The following TAF4B variants were observed in gnomAD, a reference collection of about 807,000 sequenced individuals.
TAF4B encodes the protein transcription initiation factor TFIID subunit 4B.
In TAF4B, 38 loss-of-function variants were observed where a neutral mutation model predicts 86.4. The observed-to-expected ratio is 0.44, with a 90% CI of 0.34 to 0.58. The LOEUF (loss-of-function observed/expected upper bound fraction) is 0.58. Ranked by LOEUF, TAF4B falls within the 20% of genes least tolerant of loss-of-function variation. The probability of loss-of-function intolerance (pLI) is 0.02; values close to 1 mark genes in which losing one functional copy is unlikely to be tolerated. For missense variants in TAF4B, 988 were observed against 1,027.6 expected (o/e 0.96, Z 0.53); for synonymous variants, 388 against 391.2 (o/e 0.99, Z 0.10).
chr18:26,287,518 G>T (rs2056539973), intron 7 of TAF4B, among the ~76,000 whole-genome samples: 2 of 152,150 alleles, frequency 1.3e-5, no homozygotes, highest in South Asian at 4.1e-4. Flanking sequence ...TTTAAGAAAA[G>T]GTAAGTTTTA....
At chr18:26,240,848 G>A (rs1408583294) in intron 1 of TAF4B, among the ~76,000 whole-genome samples, 2 of 152,086 alleles carry the variant, frequency 1.3e-5, no homozygotes, top group Non-Finnish European at 2.9e-5. Flanking sequence ...ATAATCATGT[G>A]GTTTTTGTCT....
chr18:26,295,633 G>A (rs2056653824), intron 9 of TAF4B, among the ~76,000 whole-genome samples: 1 of 152,208 alleles, frequency 6.6e-6, no homozygotes, highest in African/African-American at 2.4e-5. Flanking sequence ...ACTGCTACCG[G>A]TACATGGCCT....
At chr18:26,303,587 CCCTTCCACTTTCATCCT>C in intron 9 of TAF4B, among the ~76,000 whole-genome samples, 1 of 98,428 alleles carries the variant, frequency 1.0e-5, no homozygotes, top group African/African-American at 4.4e-5. Context: ...ACTTTCATAC[CCCTTCCACTTTCATCCT>C]CCCTCCACTT....
At chr18:26,318,887 G>A (rs904208178) in intron 10 of TAF4B, among the ~76,000 whole-genome samples, 4 of 152,184 alleles carry the variant, frequency 2.6e-5, no homozygotes, top group Non-Finnish European at 4.4e-5. Flanking sequence ...GAATACATAT[G>A]AAATTATTTT....
intron 12 of TAF4B, 70 bp from the exon 13 acceptor site, chr18:26,335,104 TA>T (rs545756650): frequency 2.7e-6 from 3 of 1,102,274 alleles, no homozygotes; most frequent in South Asian, 1.4e-5. Flanking sequence ...TGTCATTTAT[TA>T]AATATTTAAT....
chr18:26,266,411 A>G (rs553637753), intron 2 of TAF4B, among the ~76,000 whole-genome samples: 3 of 152,174 alleles, frequency 2.0e-5, no homozygotes, highest in East Asian at 1.9e-4. Context: ...TACCCAGCCT[A>G]TAGTATTCAT....
At chr18:26,331,870 T>C (rs936779321) in intron 12 of TAF4B, among the ~76,000 whole-genome samples, 1 of 152,228 alleles carries the variant, frequency 6.6e-6, no homozygotes, top group South Asian at 2.1e-4. Flanking sequence ...ACAAATCATG[T>C]GTGTCTCTTT....
intron 1 of TAF4B, among the ~76,000 whole-genome samples, chr18:26,239,911 T>C (rs555763102): frequency 6.6e-6 from 1 of 152,366 alleles, no homozygotes; most frequent in African/African-American, 2.4e-5. Context: ...TGTGTGGTAC[T>C]ATTTCTGAGG....
At chr18:26,298,855 T>A (rs1320379532) in intron 9 of TAF4B, among the ~76,000 whole-genome samples, 593 of 11,868 alleles carry the variant, frequency 0.05, 9 homozygotes, top group African/African-American at 0.11. Flanking sequence ...TATTGCCTTT[T>A]TTTTTTTTTT....
intron 1 of TAF4B, among the ~76,000 whole-genome samples, chr18:26,246,103 C>T (rs1176323226): frequency 6.6e-6 from 1 of 152,070 alleles, no homozygotes; most frequent in Non-Finnish European, 1.5e-5. Context: ...AGTATTAATA[C>T]TTAATTTTAG....
chr18:26,387,689 T>C (rs896476608), intron 14 of TAF4B, among the ~76,000 whole-genome samples: 1 of 152,146 alleles, frequency 6.6e-6, no homozygotes. Context: ...GTAGATGGGC[T>C]CTGGGATAAG....
chr18:26,260,992 CTTG>C (rs1236089309), intron 1 of TAF4B, among the ~76,000 whole-genome samples: 1 of 152,068 alleles, frequency 6.6e-6, no homozygotes, highest in African/African-American at 2.4e-5. Flanking sequence ...CATGTCATAG[CTTG>C]TTGTTAACTA....
intron 1 of TAF4B, among the ~76,000 whole-genome samples, chr18:26,260,505 G>A (rs913210448): frequency 2.0e-5 from 3 of 152,178 alleles, no homozygotes; most frequent in African/African-American, 7.2e-5. Context: ...CATATGGCTA[G>A]CCAGTTTTCC....
chr18:26,256,849 A>G (rs1256161377), intron 1 of TAF4B, among the ~76,000 whole-genome samples: 4 of 138,684 alleles, frequency 2.9e-5, no homozygotes, highest in Admixed American at 1.4e-4. Context: ...ACTGTTTTCT[A>G]ATTTCATTCC....
intron 1 of TAF4B, among the ~76,000 whole-genome samples, chr18:26,233,627 G>GTT (rs1201648294): frequency 1.3e-5 from 2 of 152,198 alleles, no homozygotes; most frequent in African/African-American, 4.8e-5. Context: ...GGCTTGGGAA[G>GTT]TTAAGACGGT....
intron 1 of TAF4B, among the ~76,000 whole-genome samples, chr18:26,254,423 A>T (rs1308486824): frequency 6.6e-6 from 1 of 152,182 alleles, no homozygotes; most frequent in Non-Finnish European, 1.5e-5. Flanking sequence ...AAAACAAGTC[A>T]GACACCCATT....
chr18:26,362,250 CTTATGTT>C (rs1171572497), intron 14 of TAF4B, among the ~76,000 whole-genome samples: 1 of 152,098 alleles, frequency 6.6e-6, no homozygotes, highest in South Asian at 2.1e-4. Context: ...TATTGCCTGT[CTTATGTT>C]TTAAGGATTG....
At chr18:26,227,568 A>T (rs987071729) in intron 1 of TAF4B, among the ~76,000 whole-genome samples, 1 of 152,182 alleles carries the variant, frequency 6.6e-6, no homozygotes, top group African/African-American at 2.4e-5. Flanking sequence ...GTTAATTTCC[A>T]TGTGGAGGAT....
intron 13 of TAF4B, among the ~76,000 whole-genome samples, chr18:26,346,943 CAG>C (rs1265958703): frequency 7.2e-5 from 9 of 125,052 alleles, no homozygotes; most frequent in African/African-American, 2.6e-4. Context: ...TGTTTTTTGA[CAG>C]AGTCTTGCTC....
Sources: gnomAD v4.1 joint callset for allele counts (sites outside exome capture counted in the v4.1 genomes callset) on GRCh38, gnomAD v4.1.1 for gene constraint, MANE v1.5 for transcripts, NCBI Gene and HGNC (gene_info 2026-07-23, HGNC 2026-07-21) for gene names.